Variants in SAXO1 observed in about 807,000 individuals in gnomAD.
SAXO1 encodes the protein 4930500O09Rik.
Under a neutral mutation model 17.5 loss-of-function variants are expected in SAXO1, and 21 were observed. The observed-to-expected ratio is 1.20, with a 90% CI of 0.85 to 1.72. SAXO1 has a LOEUF of 1.72. SAXO1 is among the 40% of genes most tolerant of loss of function. The pLI, the probability that SAXO1 is intolerant of heterozygous loss-of-function variation, is 0.00. For missense variants in SAXO1, 843 were observed against 596.0 expected (o/e 1.41, Z -4.32); for synonymous variants, 274 against 216.5 (o/e 1.27, Z -2.33).
chr9:18,945,602 GAC>G (rs1563934637), intron 2 of SAXO1, among the ~76,000 whole-genome samples: 2 of 152,134 alleles, frequency 1.3e-5, no homozygotes, highest in Non-Finnish European at 2.9e-5. Flanking sequence ...GTCCTTATGG[GAC>G]ACAGAGTCCT....
At chr9:18,979,671 G>A (rs1404168240) in intron 1 of SAXO1, among the ~76,000 whole-genome samples, 1 of 152,210 alleles carries the variant, frequency 6.6e-6, no homozygotes, top group Non-Finnish European at 1.5e-5. Context: ...TGTATGGGCT[G>A]AGAGGATAAC....
intron 1 of SAXO1, among the ~76,000 whole-genome samples, chr9:19,004,946 G>C (rs543151947): frequency 6.6e-6 from 1 of 152,148 alleles, no homozygotes; most frequent in East Asian, 1.9e-4. Context: ...CAGGAAAGAG[G>C]TGCAGGGTAC....
At chr9:18,985,850 G>C (rs1350145366) in intron 1 of SAXO1, among the ~76,000 whole-genome samples, 1 of 152,238 alleles carries the variant, frequency 6.6e-6, no homozygotes, top group Non-Finnish European at 1.5e-5. Context: ...CAAGACACAT[G>C]TCAGGGAAAA....
intron 1 of SAXO1, among the ~76,000 whole-genome samples, chr9:19,020,623 T>C (rs1281832426): frequency 6.6e-6 from 1 of 152,206 alleles, no homozygotes; most frequent in Non-Finnish European, 1.5e-5. Context: ...CCTCCAAAAA[T>C]GCTAGGATTA....
intron 1 of SAXO1, among the ~76,000 whole-genome samples, chr9:19,028,710 G>C (rs181598835): frequency 2.6e-5 from 4 of 152,244 alleles, no homozygotes; most frequent in Non-Finnish European, 5.9e-5. Flanking sequence ...GTAGAGCATT[G>C]TTGTGGAGGC....
In SAXO1 at chr9:18,928,596, T is replaced by C; in HGVS notation, c.881A>G (p.Tyr294Cys). The C allele has an allele frequency of 6.2e-7, 1 of 1,614,120 alleles. No individual in the cohort carries two copies. Among genetic ancestry groups the C allele is most frequent in the Non-Finnish European group, 8.5e-7 (1 of 1,180,020 alleles). ...ATCCATCCTGTCTTCGGGAGGGACG[T>C]AGGTGATGGGAGCTTTGGAGAACAT... ...PRMFSKAPIT[Y>C]VPPEDRMDLL... Residue 294 changes from tyrosine to cysteine, a missense_variant, in exon 4 of 4, where the codon TAC (tyrosine) becomes TGC (cysteine). Transcript: ENST00000380534.
At chr9:18,940,698 GTC>G (rs1831515061) in intron 3 of SAXO1, among the ~76,000 whole-genome samples, 1 of 152,330 alleles carries the variant, frequency 6.6e-6, no homozygotes, top group Non-Finnish European at 1.5e-5. Context: ...CTGGTCTCCA[GTC>G]TCATGGTCTC....
chr9:18,934,802 T>G (rs117916208), intron 3 of SAXO1, among the ~76,000 whole-genome samples: 5 of 152,220 alleles, frequency 3.3e-5, no homozygotes, highest in African/African-American at 1.2e-4. Context: ...CTGATCCCCA[T>G]TGGGAGTTGG....
chr9:18,944,969 C>A (rs1003294617), intron 2 of SAXO1, among the ~76,000 whole-genome samples: 4 of 152,128 alleles, frequency 2.6e-5, no homozygotes, highest in African/African-American at 9.7e-5. Context: ...TTGGCCAAAG[C>A]CAACCTCTCT....
chr9:19,046,957 C>T (rs111236250), intron 1 of SAXO1, among the ~76,000 whole-genome samples: 51 of 152,328 alleles, frequency 3.3e-4, no homozygotes, highest in African/African-American at 1.2e-3. Context: ...GAAGCTGAGG[C>T]GGGCAGATCA....
chr9:18,933,260 C>A (rs1475479707), intron 3 of SAXO1, among the ~76,000 whole-genome samples: 1 of 152,076 alleles, frequency 6.6e-6, no homozygotes, highest in Non-Finnish European at 1.5e-5. Flanking sequence ...TTGTCAAATG[C>A]TTTCTATCAA....
intron 1 of SAXO1, among the ~76,000 whole-genome samples, chr9:19,023,348 A>C (rs1015613658): frequency 2.0e-5 from 3 of 152,122 alleles, no homozygotes; most frequent in African/African-American, 7.2e-5. Flanking sequence ...TTATTTAATA[A>C]CATCTACCTA....
intron 1 of SAXO1, chr9:19,026,746 C>A: frequency 2.5e-6 from 1 of 394,862 alleles, no homozygotes; most frequent in Non-Finnish European, 4.8e-6. Flanking sequence ...TTATAAAATG[C>A]TGGGCCGGGC....
chr9:18,929,920 A>T (rs1403550987), intron 3 of SAXO1, among the ~76,000 whole-genome samples: 6 of 152,214 alleles, frequency 3.9e-5, no homozygotes, highest in Admixed American at 3.3e-4. Flanking sequence ...ATTGTGCTCA[A>T]GTCTTTCCAT....
At chr9:18,961,441 A>C (rs1179600276) in intron 1 of SAXO1, among the ~76,000 whole-genome samples, 1 of 152,100 alleles carries the variant, frequency 6.6e-6, no homozygotes, top group African/African-American at 2.4e-5. Flanking sequence ...TGTACCTATC[A>C]ACCCATCATC....
intron 1 of SAXO1, among the ~76,000 whole-genome samples, chr9:18,952,456 A>G (rs1169844928): frequency 6.6e-6 from 1 of 152,210 alleles, no homozygotes; most frequent in South Asian, 2.1e-4. Context: ...TCAACCTTTT[A>G]TATAAATATT....
intron 3 of SAXO1, among the ~76,000 whole-genome samples, chr9:18,935,012 C>T (rs1156346265): frequency 2.6e-5 from 4 of 152,114 alleles, no homozygotes; most frequent in African/African-American, 4.8e-5. Flanking sequence ...CTGCAACCTC[C>T]GCCTTCCCGG....
At chr9:18,961,488 T>A (rs143169827) in intron 1 of SAXO1, among the ~76,000 whole-genome samples, 98 of 152,252 alleles carry the variant, frequency 6.4e-4, no homozygotes, top group African/African-American at 2.2e-3. Flanking sequence ...TCCCTCCCCT[T>A]GCCCCCACCC....
At chr9:19,000,060 C>G (rs1834189886) in intron 1 of SAXO1, among the ~76,000 whole-genome samples, 1 of 148,264 alleles carries the variant, frequency 6.7e-6, no homozygotes, top group Non-Finnish European at 1.5e-5. Context: ...GCCACAACAT[C>G]TGGGAAGTGA....
Sources: gnomAD v4.1 joint callset for allele counts (sites outside exome capture counted in the v4.1 genomes callset) on GRCh38, gnomAD v4.1.1 for gene constraint, MANE v1.5 for transcripts, NCBI Gene and HGNC (gene_info 2026-07-23, HGNC 2026-07-21) for gene names.